The following MTCH2 variants were observed in gnomAD, a reference collection of about 807,000 sequenced individuals.
MTCH2 encodes the protein mitochondrial carrier homolog 2.
MTCH2 carries 25 observed loss-of-function variants against 50.6 expected under a neutral mutation model. That is an observed-to-expected ratio of 0.49 (90% CI 0.36 to 0.69). The LOEUF is 0.69. Among genes scored for constraint, MTCH2 ranks in the 30% least tolerant of loss-of-function variants. MTCH2 has a pLI of 0.00. For missense variants in MTCH2, 273 were observed against 384.4 expected (o/e 0.71, Z 2.42); for synonymous variants, 106 against 132.0 (o/e 0.80, Z 1.35).
At chr11:47,609,872 C>T in the MTCH2 span, among the ~76,000 whole-genome samples, 1 of 152,010 alleles carries the variant, frequency 6.6e-6, no homozygotes, top group Non-Finnish European at 1.5e-5. Context: ...TGCCTAAAGG[C>T]GACGGGAAAG....
At position 47,635,689 on chromosome 11, in the gene MTCH2, G is replaced by T. The variant is rs867961440; in HGVS notation, c.280-118C>A. ...AGCTGAAGTTTTTTTTAAAGTTTTT[G>T]TTTTTTTTTTTAAGCTGCAAATCTT... On this transcript the variant is annotated intron_variant, in intron 3 of 12. Transcript: ENST00000302503. 5.8e-3 allele frequency: 4,072 copies of T among 705,868 alleles called. 11 individuals are homozygous for T. Among genetic ancestry groups the T allele is most frequent in the Middle Eastern group, 0.01 (31 of 2,956 alleles). 43.7% of individuals were successfully genotyped at this position (705,868 alleles called of 1,614,324 possible). A position where few individuals can be genotyped will look rare whatever the true frequency, so the allele number is the denominator to read the frequency against.
intron 8 of MTCH2, 52 bp from the exon 9 acceptor site, chr11:47,629,098 G>A: frequency 7.1e-7 from 1 of 1,401,412 alleles, no homozygotes; most frequent in Non-Finnish European, 1.0e-6. Context: ...TCAGTAACAT[G>A]ACAGGCTCTT....
intron 1 of MTCH2, among the ~76,000 whole-genome samples, chr11:47,640,089 G>A (rs2097312617): frequency 1.3e-5 from 2 of 151,974 alleles, no homozygotes; most frequent in Non-Finnish European, 2.9e-5. Flanking sequence ...AGCACTTTGG[G>A]AGGCCAAGGT....
the MTCH2 span, among the ~76,000 whole-genome samples, chr11:47,606,671 T>TA: frequency 2.0e-5 from 3 of 152,228 alleles, no homozygotes; most frequent in Non-Finnish European, 4.4e-5. Flanking sequence ...TGGGATTATT[T>TA]ATTTATCCAA....
chr11:47,613,866 T>C (rs907143837), downstream of MTCH2, among the ~76,000 whole-genome samples: 5 of 152,026 alleles, frequency 3.3e-5, no homozygotes, highest in African/African-American at 7.2e-5. Flanking sequence ...GGCAGATCAT[T>C]TGAGGTCAGG....
chr11:47,614,931 G>GA (rs1282805929), downstream of MTCH2, among the ~76,000 whole-genome samples: 10 of 144,046 alleles, frequency 6.9e-5, no homozygotes, highest in South Asian at 4.4e-4. Context: ...AAGGGAGAAG[G>GA]AAAAAAAAAT....
At chr11:47,627,768 G>T (rs2097299428) in intron 9 of MTCH2, among the ~76,000 whole-genome samples, 1 of 151,796 alleles carries the variant, frequency 6.6e-6, no homozygotes, top group Non-Finnish European at 1.5e-5. Flanking sequence ...TGGGATTACA[G>T]CATGAGCCAC....
chr11:47,620,268 A>G (rs945099705), intron 12 of MTCH2, among the ~76,000 whole-genome samples: 1 of 152,078 alleles, frequency 6.6e-6, no homozygotes, highest in African/African-American at 2.4e-5. Flanking sequence ...CTAAAACTTA[A>G]AAGTATAATA....
chr11:47,635,997 G>A (rs947598118), intron 3 of MTCH2, among the ~76,000 whole-genome samples: 15 of 151,926 alleles, frequency 9.9e-5, no homozygotes, highest in Non-Finnish European at 1.6e-4. Context: ...GCATTGGGGC[G>A]CACGCTTTTA....
chr11:47,642,476 G>A lies in MTCH2; in HGVS notation c.-11C>T, dbSNP rs1598860843. On this transcript the variant is annotated 5_prime_UTR_variant, in exon 1 of 13. Coordinates refer to ENST00000302503, the MANE Select transcript of MTCH2 (RefSeq NM_014342.4). ...GGCCGCGTCCGCCATGATGGCACCC[G>A]CGGGCGGACGGACAGACAGACGGAG... 2 of 1,448,344 alleles carry A rather than the reference G, an allele frequency of 1.4e-6. No homozygotes were observed. Among genetic ancestry groups the A allele is most frequent in the South Asian group, 2.6e-5 (2 of 78,356 alleles). The allele number at this position is 1,448,344 out of a possible 1,614,324, so 89.7% of individuals were successfully genotyped here.
Position 47,632,548 on chromosome 11 carries a change from G to A in MTCH2, c.370-837C>T, listed in dbSNP as rs558636091. Among the ~76,000 whole-genome samples the A allele has an allele frequency of 3.8e-4, 58 of 151,988 alleles. No homozygotes were observed. In the South Asian group the frequency reaches 0.011, roughly 30 times the overall value. On this transcript the variant is annotated intron_variant, in intron 5 of 12. Coordinates refer to ENST00000302503, the MANE Select transcript of MTCH2 (RefSeq NM_014342.4). ...TTTTTTCTTTGTATTTTTTAGTAGA[G>A]ACGGTTTCACCGTGTTAGCCAGGAT...
intron 1 of MTCH2, 137 bp downstream of exon 1, chr11:47,642,242 G>A (rs1043932435): frequency 9.8e-6 from 7 of 711,612 alleles, no homozygotes; most frequent in African/African-American, 1.9e-5. Flanking sequence ...TCCCTGCGGG[G>A]AGGTAAAGGG....
chr11:47,609,071 C>T, the MTCH2 span, among the ~76,000 whole-genome samples: 4 of 131,792 alleles, frequency 3.0e-5, no homozygotes, highest in East Asian at 9.1e-4. Context: ...TTGCGGTGAC[C>T]TGAGATCACG....
chr11:47,630,513 C>T lies in MTCH2; in HGVS notation c.539+42G>A, dbSNP rs752591648. Reference sequence around the variant, plus strand: ...CTATTCTTACTTTCAGAAAACGTTTCCCACTCATGCAAAAATTACACACTA... The same window carrying T: ...CTATTCTTACTTTCAGAAAACGTTTTCCACTCATGCAAAAATTACACACTA... On this transcript the variant is annotated intron_variant, in intron 8 of 12. Transcript: ENST00000302503. 5.3e-6 allele frequency: 8 copies of T among 1,514,004 alleles called. No homozygotes were observed. In the South Asian group the frequency reaches 5.6e-5, roughly 11 times the overall value. 93.8% of individuals were successfully genotyped at this position (1,514,004 alleles called of 1,614,324 possible).
At chr11:47,623,828 G>A (rs2097295471) in intron 11 of MTCH2, among the ~76,000 whole-genome samples, 1 of 152,022 alleles carries the variant, frequency 6.6e-6, no homozygotes, top group Non-Finnish European at 1.5e-5. Context: ...GAGGAGGGTG[G>A]ACCACTTGAG....
At chr11:47,636,123 G>A (rs919786934) in intron 3 of MTCH2, among the ~76,000 whole-genome samples, 4 of 150,304 alleles carry the variant, frequency 2.7e-5, no homozygotes, top group South Asian at 2.1e-4. Flanking sequence ...GCAAGAGTCC[G>A]TCTCAAGAAA....
chr11:47,621,662 T>A (rs2097293357), intron 12 of MTCH2, among the ~76,000 whole-genome samples: 1 of 152,172 alleles, frequency 6.6e-6, no homozygotes, highest in East Asian at 1.9e-4. Flanking sequence ...CTCAAACTCC[T>A]GACCTCAAGT....
At chr11:47,620,734 G>A (rs1038278868) in intron 12 of MTCH2, among the ~76,000 whole-genome samples, 31 of 152,154 alleles carry the variant, frequency 2.0e-4, no homozygotes, top group Non-Finnish European at 3.8e-4. Flanking sequence ...ATAAATCTGA[G>A]CCTTCCCAAA....
Position 47,638,780 on chromosome 11 carries a change from C to G in MTCH2, c.198G>C (p.Gly66=). 1 of 1,614,130 alleles carries G rather than the reference C, an allele frequency of 6.2e-7. No homozygotes were observed. The highest frequency in any genetic ancestry group is 2.2e-5 in the East Asian group (1 of 44,876). The change falls in exon 3 of 13, where the codon GGG becomes GGC. Residue 66 remains glycine (G), a synonymous_variant. Transcript: ENST00000302503. ...TTAAGCCTGTGAACAACCCGCGCCT[C>G]CCATCGATACTGGCAATGTGCTGAG... ...SYAQHIASID[G]RRGLFTGLTP...
Sources: allele counts gnomAD v4.1 joint callset (sites outside exome capture counted in the v4.1 genomes callset), GRCh38; gene constraint gnomAD v4.1.1; transcripts MANE v1.5; gene names NCBI Gene and HGNC (gene_info 2026-07-23, HGNC 2026-07-21).